Variants in IPO11 observed in about 807,000 individuals in gnomAD.
IPO11 encodes importin-11.
IPO11 carries 66 observed loss-of-function variants against 143.2 expected under a neutral mutation model. The observed-to-expected ratio is 0.46, with a 90% CI of 0.38 to 0.57. The LOEUF (loss-of-function observed/expected upper bound fraction) is 0.57. IPO11 is among the 20% of genes least tolerant of loss of function. IPO11 has a pLI of 0.00. For missense variants in IPO11, 1,026 were observed against 1,141.0 expected, an observed-to-expected ratio of 0.90 and a Z score of 1.45; for synonymous variants, 385 against 377.8, an observed-to-expected ratio of 1.02 and a Z score of -0.22.
At chr5:62,580,583 A>G (rs1489665754) in intron 27 of IPO11, 35 of 1,551,474 alleles carry the variant, frequency 2.3e-5, no homozygotes, top group Non-Finnish European at 3.0e-5. Context: ...ATTACTCTAA[A>G]CATCTATTGT....
chr5:62,542,777 A>G (rs768554081), intron 24 of IPO11, among the ~76,000 whole-genome samples: 1 of 152,102 alleles, frequency 6.6e-6, no homozygotes, highest in Non-Finnish European at 1.5e-5. Flanking sequence ...AACATTTCTC[A>G]TATTTGAAAT....
At chr5:62,618,067 C>T (rs1247165606) in intron 29 of IPO11, among the ~76,000 whole-genome samples, 1 of 151,942 alleles carries the variant, frequency 6.6e-6, no homozygotes, top group Non-Finnish European at 1.5e-5. Flanking sequence ...TGTAAGTGTT[C>T]ATGAAACATT....
chr5:62,439,951 G>A (rs542314295), intron 2 of IPO11, among the ~76,000 whole-genome samples: 12 of 152,296 alleles, frequency 7.9e-5, no homozygotes, highest in African/African-American at 2.9e-4. Context: ...ATTGACATCT[G>A]CAGCTTGACT....
intron 28 of IPO11, among the ~76,000 whole-genome samples, chr5:62,598,553 CT>C (rs1321125709): frequency 2.5e-4 from 2 of 8,110 alleles, no homozygotes; most frequent in East Asian, 2.5e-3. Context: ...TCTTTTCTTT[CT>C]TTTTTTTTTT....
intron 27 of IPO11, among the ~76,000 whole-genome samples, chr5:62,583,040 G>A (rs562161998): frequency 1.0e-3 from 158 of 152,172 alleles, no homozygotes; most frequent in African/African-American, 3.6e-3. Context: ...ATGCCTTTTT[G>A]GGGATTATAA....
chr5:62,522,544 C>G (rs1217013382), intron 20 of IPO11, among the ~76,000 whole-genome samples: 4 of 152,166 alleles, frequency 2.6e-5, no homozygotes, highest in Non-Finnish European at 5.9e-5. Flanking sequence ...CTTGACCTCC[C>G]AAAGTGCTGG....
intron 29 of IPO11, among the ~76,000 whole-genome samples, chr5:62,606,312 C>G (rs2112456875): frequency 6.7e-6 from 1 of 148,548 alleles, no homozygotes; most frequent in Admixed American, 6.7e-5. Flanking sequence ...TGAATCCTGC[C>G]TCTAAAAAAA....
chr5:62,452,837 T>C (rs1744989464), intron 5 of IPO11, among the ~76,000 whole-genome samples: 1 of 149,826 alleles, frequency 6.7e-6, no homozygotes, highest in South Asian at 2.1e-4. Flanking sequence ...ACTACAGCCT[T>C]GACCTCCTTG....
At chr5:62,605,655 A>T (rs941076127) in intron 29 of IPO11, among the ~76,000 whole-genome samples, 1 of 151,674 alleles carries the variant, frequency 6.6e-6, no homozygotes, top group East Asian at 1.9e-4. Flanking sequence ...GTAATTTCCA[A>T]ATTCTAGTTT....
chr5:62,455,069 T>C (rs1029055889), intron 5 of IPO11, among the ~76,000 whole-genome samples: 2 of 152,150 alleles, frequency 1.3e-5, no homozygotes, highest in African/African-American at 4.8e-5. Flanking sequence ...AGATGTGTAG[T>C]TAATTGAAGG....
intron 28 of IPO11, among the ~76,000 whole-genome samples, chr5:62,597,027 C>T (rs190625030): frequency 6.6e-6 from 1 of 152,280 alleles, no homozygotes. Context: ...TCCATCTTTC[C>T]CTGTTTCTTC....
chr5:62,445,299 G>T (rs1744680050), intron 3 of IPO11, among the ~76,000 whole-genome samples: 1 of 151,952 alleles, frequency 6.6e-6, no homozygotes, highest in Non-Finnish European at 1.5e-5. Flanking sequence ...GTGTATCTGG[G>T]TCCTAATTAA....
intron 19 of IPO11, among the ~76,000 whole-genome samples, chr5:62,508,072 T>C (rs547153291): frequency 1.3e-5 from 2 of 152,348 alleles, no homozygotes; most frequent in South Asian, 4.1e-4. Context: ...TAACTCTCTT[T>C]AATATGCCAA....
At chr5:62,581,164 G>A (rs1744543741) in intron 27 of IPO11, 1 of 1,551,190 alleles carries the variant, frequency 6.4e-7, no homozygotes, top group Admixed American at 2.0e-5. Context: ...TTATCAGTCA[G>A]CAAGGTATAA....
At position 62,530,814 on chromosome 5, in the gene IPO11, GT is replaced by G. The variant is rs748537575; in HGVS notation, c.2089+34del. 8 of 1,515,806 alleles carry G rather than the reference GT, an allele frequency of 5.3e-6. No homozygotes were observed. In the East Asian group the frequency reaches 1.4e-4, roughly 26 times the overall value. 93.9% of individuals were successfully genotyped at this position (1,515,806 alleles called of 1,614,324 possible). Reference sequence around the variant, plus strand: ...TGTGTTAAAGCATAAACTTACTAATGTTTTTGAATGCAACCATAATTGGGAG... The same window carrying G: ...TGTGTTAAAGCATAAACTTACTAATGTTTTGAATGCAACCATAATTGGGAG... On this transcript the variant is annotated intron_variant, in intron 22 of 29. Coordinates refer to ENST00000325324, the MANE Select transcript of IPO11 (RefSeq NM_016338.5).
At chr5:62,419,129 T>C (rs1743405664) in intron 1 of IPO11, 1 of 1,548,622 alleles carries the variant, frequency 6.5e-7, no homozygotes, top group African/African-American at 1.4e-5. Flanking sequence ...CACAAAATGG[T>C]AAGTATTTGT....
At chr5:62,564,825 T>G (rs1050610626) in intron 27 of IPO11, among the ~76,000 whole-genome samples, 3 of 152,180 alleles carry the variant, frequency 2.0e-5, no homozygotes, top group Admixed American at 1.3e-4. Context: ...AACCCACTAC[T>G]TTTGGCTTAG....
chr5:62,451,697 C>T (rs1017860187), intron 4 of IPO11, 33 bp from the exon 5 acceptor site: 4 of 1,550,592 alleles, frequency 2.6e-6, no homozygotes, highest in Non-Finnish European at 2.7e-6. Context: ...TATCTATTGC[C>T]TTGATTCCAT....
At chr5:62,626,445 T>C (rs1746581167) in intron 29 of IPO11, among the ~76,000 whole-genome samples, 3 of 152,228 alleles carry the variant, frequency 2.0e-5, no homozygotes, top group Admixed American at 2.0e-4. Flanking sequence ...CCGGTAACAC[T>C]CTTGGTTGCA....
Sources: gnomAD v4.1 joint callset for allele counts (sites outside exome capture counted in the v4.1 genomes callset) on GRCh38, gnomAD v4.1.1 for gene constraint, MANE v1.5 for transcripts, NCBI Gene and HGNC (gene_info 2026-07-23, HGNC 2026-07-21) for gene names.